NOL4: variants seen among roughly 807,000 people sequenced by gnomAD.
NOL4 encodes nucleolar protein 4, also known as cancer/testis antigen 125.
Under a neutral mutation model 75.9 loss-of-function variants are expected in NOL4, and 17 were observed. The ratio of observed to expected loss-of-function variants is 0.22; its 90% CI spans 0.15 to 0.34. NOL4 has a LOEUF of 0.34. Among genes scored for constraint, NOL4 ranks in the 10% least tolerant of loss-of-function variants. The pLI is 1.00. For synonymous variants in NOL4, 292 were observed against 289.9 expected, an observed-to-expected ratio of 1.01 and a Z score of -0.07; for missense variants, 614 against 793.5, an observed-to-expected ratio of 0.77 and a Z score of 2.72.
chr18:34,223,368 C>A lies in NOL4; in HGVS notation c.-115G>T. 2 of 1,444,094 alleles carry A rather than the reference C, an allele frequency of 1.4e-6. No individual in the cohort carries two copies. Among genetic ancestry groups the A allele is most frequent in the Non-Finnish European group, 1.9e-6 (2 of 1,078,042 alleles). The allele number at this position is 1,444,094 out of a possible 1,614,324, so 89.5% of individuals were successfully genotyped here. A position where few individuals can be genotyped will look rare whatever the true frequency, so the allele number is the denominator to read the frequency against. On this transcript the variant is annotated 5_prime_UTR_variant, in exon 1 of 11. Coordinates refer to ENST00000261592, the MANE Select transcript of NOL4 (RefSeq NM_003787.5). Reference sequence around the variant, plus strand: ...TTGCAGGGATGCGAGGTCCCGGCCGCAGCGGGAGCCTGCTTTGGGTGGGGG... The same window carrying A: ...TTGCAGGGATGCGAGGTCCCGGCCGAAGCGGGAGCCTGCTTTGGGTGGGGG...
intron 6 of NOL4, among the ~76,000 whole-genome samples, chr18:33,975,582 G>A (rs2071429683): frequency 6.6e-6 from 1 of 151,988 alleles, no homozygotes; most frequent in Non-Finnish European, 1.5e-5. Flanking sequence ...GACCAGACTT[G>A]GCCAACATAG....
intron 2 of NOL4, among the ~76,000 whole-genome samples, chr18:34,110,292 A>G (rs1293445089): frequency 6.6e-6 from 1 of 152,032 alleles, no homozygotes; most frequent in Non-Finnish European, 1.5e-5. Flanking sequence ...CTCAACAAAA[A>G]CTAGCAAACA....
intron 5 of NOL4, among the ~76,000 whole-genome samples, chr18:34,076,884 T>C (rs73416387): frequency 0.015 from 2,314 of 152,308 alleles, 59 homozygotes; most frequent in African/African-American, 0.053. Flanking sequence ...ACATGACTGA[T>C]AAACATGAGT....
intron 9 of NOL4, among the ~76,000 whole-genome samples, chr18:33,889,885 T>C (rs1378339090): frequency 2.0e-5 from 3 of 152,080 alleles, no homozygotes; most frequent in South Asian, 2.1e-4. Flanking sequence ...ATGGAACATA[T>C]CTCAAAATAA....
intron 9 of NOL4, 119 bp downstream of exon 9, chr18:33,942,946 A>T (rs2068592444): frequency 1.5e-6 from 1 of 652,044 alleles, no homozygotes; most frequent in Non-Finnish European, 2.6e-6. Flanking sequence ...AGGACACAAA[A>T]ACTATATCTC....
chr18:34,068,699 G>T (rs1288173708), intron 5 of NOL4, among the ~76,000 whole-genome samples: 4 of 152,100 alleles, frequency 2.6e-5, no homozygotes, highest in African/African-American at 9.7e-5. Context: ...GCCTGGCAGA[G>T]AATTGCTTAT....
At chr18:34,167,635 C>T (rs1452883906) in intron 1 of NOL4, among the ~76,000 whole-genome samples, 1 of 151,958 alleles carries the variant, frequency 6.6e-6, no homozygotes, top group African/African-American at 2.4e-5. Flanking sequence ...TTGTTAAGCT[C>T]ACACATATGT....
intron 5 of NOL4, among the ~76,000 whole-genome samples, chr18:34,088,772 T>C (rs2145489069): frequency 6.6e-6 from 1 of 152,238 alleles, no homozygotes; most frequent in East Asian, 1.9e-4. Context: ...GAGGGTAAAA[T>C]ACTTTTTATG....
intron 4 of NOL4, among the ~76,000 whole-genome samples, chr18:34,097,314 T>C (rs1398355684): frequency 6.6e-6 from 1 of 152,180 alleles, no homozygotes; most frequent in Admixed American, 6.5e-5. Context: ...AATCAAAGCT[T>C]ACATTATCAG....
intron 6 of NOL4, among the ~76,000 whole-genome samples, chr18:33,995,446 GAATT>G (rs1173912245): frequency 1.3e-5 from 2 of 151,408 alleles, no homozygotes; most frequent in African/African-American, 4.8e-5. Flanking sequence ...GGACTATATT[GAATT>G]AATATCTAAA....
intron 1 of NOL4, among the ~76,000 whole-genome samples, chr18:34,212,103 T>C (rs759722327): frequency 1.3e-5 from 2 of 152,164 alleles, no homozygotes; most frequent in Non-Finnish European, 2.9e-5. Flanking sequence ...TCTTTCTCCA[T>C]CCTACTGCTA....
In NOL4 at chr18:33,881,277, G is replaced by T. The variant is rs906789126; in HGVS notation, c.1723+1967C>A. 2.0e-5 allele frequency among the ~76,000 whole-genome samples: 3 copies of T among 149,862 alleles called. No homozygotes were observed. In the Admixed American group the frequency reaches 2.0e-4, roughly 10 times the overall value. ...AAGGAGATTTTGGGCTGAGACAATG[G>T]GGTTTTCTAGATATACAATCATGTC... On this transcript the variant is annotated intron_variant, in intron 10 of 10. Coordinates refer to ENST00000261592, the MANE Select transcript of NOL4 (RefSeq NM_003787.5).
chr18:33,886,604 TA>T (rs2144734448), intron 9 of NOL4, among the ~76,000 whole-genome samples: 1 of 150,260 alleles, frequency 6.7e-6, no homozygotes, highest in African/African-American at 2.4e-5. Flanking sequence ...CTATAGTCAA[TA>T]ATAACTTAGT....
chr18:33,902,121 A>T (rs993902347), intron 9 of NOL4, among the ~76,000 whole-genome samples: 4 of 152,062 alleles, frequency 2.6e-5, no homozygotes, highest in African/African-American at 9.7e-5. Flanking sequence ...TGTGAAAGAG[A>T]ATTTATAAAA....
At chr18:33,865,808 T>C (rs2063404728) in intron 10 of NOL4, among the ~76,000 whole-genome samples, 1 of 152,134 alleles carries the variant, frequency 6.6e-6, no homozygotes, top group African/African-American at 2.4e-5. Context: ...AACCCTAATA[T>C]GATTGTGCTT....
intron 6 of NOL4, among the ~76,000 whole-genome samples, chr18:33,987,265 T>A (rs2072535258): frequency 6.6e-6 from 1 of 152,056 alleles, no homozygotes; most frequent in Non-Finnish European, 1.5e-5. Flanking sequence ...ATGACCGTGA[T>A]CATGATCGGA....
intron 2 of NOL4, among the ~76,000 whole-genome samples, chr18:34,125,967 CAA>C (rs34689802): frequency 9.8e-4 from 139 of 142,510 alleles, no homozygotes; most frequent in East Asian, 1.7e-3. Flanking sequence ...CAGGATGCAC[CAA>C]AAAAAAAAAA....
intron 6 of NOL4, among the ~76,000 whole-genome samples, chr18:33,965,124 C>T (rs1186183642): frequency 6.6e-6 from 1 of 152,104 alleles, no homozygotes; most frequent in Non-Finnish European, 1.5e-5. Flanking sequence ...AAAATATCCA[C>T]ACTTGTTAGA....
chr18:33,994,697 C>A (rs187189028), intron 6 of NOL4, among the ~76,000 whole-genome samples: 33 of 151,508 alleles, frequency 2.2e-4, no homozygotes, highest in South Asian at 1.0e-3. Context: ...GAATAAAGAT[C>A]TCAAATCAAA....
Sources: gnomAD v4.1 joint callset for allele counts (sites outside exome capture counted in the v4.1 genomes callset) on GRCh38, gnomAD v4.1.1 for gene constraint, MANE v1.5 for transcripts, NCBI Gene and HGNC (gene_info 2026-07-23, HGNC 2026-07-21) for gene names.